The following RYR1 variants were observed in gnomAD, a reference collection of about 807,000 sequenced individuals.
RYR1 encodes central core disease of muscle.
A neutral mutation model predicts 583.5 loss-of-function variants in RYR1; 342 were observed. The ratio of observed to expected loss-of-function variants is 0.59; its 90% CI spans 0.54 to 0.64. RYR1 has a LOEUF of 0.64. Among genes scored for constraint, RYR1 ranks in the 30% least tolerant of loss-of-function variants. The pLI is 0.00. For missense variants in RYR1, 6,032 were observed against 6,917.2 expected (o/e 0.87, Z 4.54); for synonymous variants, 2,791 against 2,822.5 (o/e 0.99, Z 0.35).
At chr19:38,450,915 G>T (rs1427269521) in intron 11 of RYR1, among the ~76,000 whole-genome samples, 1 of 152,164 alleles carries the variant, frequency 6.6e-6, no homozygotes, top group African/African-American at 2.4e-5. Context: ...TGTTAGAAAA[G>T]AAATTATTTT....
rs1433874821 is a variant in RYR1 at position 38,561,192 on chromosome 19, T to C, written c.12362T>C (p.Met4121Thr). The C allele has an allele frequency of 6.2e-7, 1 of 1,614,078 alleles. No individual in the cohort carries two copies. The highest frequency in any genetic ancestry group is 1.7e-5 in the Admixed American group (1 of 60,016). Reference protein sequence around the residue: ...LSCSEADENEMINCEEFANRF... With the variant: ...LSCSEADENETINCEEFANRF... ...TGCTCCGAAGCGGATGAGAACGAAA[T>C]GATCAACTGCGAAGAGTTCGCCAAC... is the stretch of plus-strand genomic sequence containing the variant. The change falls in exon 90 of 106, where the codon ATG becomes ACG. Residue 4121 changes from methionine (M) to threonine (T), a missense_variant. By Grantham distance (81) the Met-to-Thr change is moderately conservative. Around this residue, in one of 11 missense-constraint regions of RYR1, gnomAD observed 753 missense variants for 759.6 expected, o/e 0.99. Transcript: ENST00000359596. The surrounding 1 kb of genome is among the most constrained non-coding windows in gnomAD (Gnocchi z 4.8).
chr19:38,523,047 C>T lies in RYR1; in HGVS notation c.10279C>T (p.Pro3427Ser). The T allele has an allele frequency of 6.2e-7, 1 of 1,605,904 alleles. No homozygotes were observed. Among genetic ancestry groups the T allele is most frequent in the South Asian group, 1.1e-5 (1 of 90,324 alleles). Residue 3427 changes from proline (P) to serine (S), a missense_variant, in exon 68 of 106, where the codon CCG becomes TCG. This residue lies in a region of RYR1 where 1,493 missense variants were observed against 1,715.5 expected (regional missense o/e 0.87). Transcript: ENST00000359596. ...CCCCAGGGCGCAGTGGCTGACGGAG[C>T]CGAATCCCAGCGCGGAGGAGCTGTT... ...DNNRAQWLTE[P>S]NPSAEELFRM...
Position 38,473,280 on chromosome 19 carries a change from A to G in RYR1, c.3766-97A>G, listed in dbSNP as rs935358119. On this transcript the variant is annotated intron_variant, in intron 27 of 105. Coordinates refer to ENST00000359596, the MANE Select transcript of RYR1 (RefSeq NM_000540.3). Reference sequence around the variant, plus strand: ...TGACTAATTCCCATGCAGGTGCACTATGGCCTAATGGTGGCTCCGTGTGTG... The same window carrying G: ...TGACTAATTCCCATGCAGGTGCACTGTGGCCTAATGGTGGCTCCGTGTGTG... 25 of 1,452,174 alleles carry G rather than the reference A, an allele frequency of 1.7e-5. 1 individual carries two copies. Among genetic ancestry groups the G allele is most frequent in the Non-Finnish European group, 2.3e-5 (24 of 1,038,002 alleles). The allele number at this position is 1,452,174 out of a possible 1,614,324, so 90.0% of individuals were successfully genotyped here.
chr19:38,458,914 C>G (rs1051658893), intron 18 of RYR1, among the ~76,000 whole-genome samples: 1 of 152,192 alleles, frequency 6.6e-6, no homozygotes, highest in Non-Finnish European at 1.5e-5. Flanking sequence ...CCACTGCATC[C>G]GGCCCCCAGG....
chr19:38,455,261 C>A lies in RYR1; in HGVS notation c.1467C>A (p.Cys489Ter), dbSNP rs1163987338. 6.2e-7 allele frequency: 1 copy of A among 1,614,086 alleles called. No homozygotes were observed. Among genetic ancestry groups the A allele is most frequent in the Non-Finnish European group, 8.5e-7 (1 of 1,180,000 alleles). Residue 489 changes from cysteine to a stop codon, truncating the protein, a stop_gained, in exon 14 of 106, where the codon TGC (cysteine) becomes TGA (stop). Coordinates refer to ENST00000359596, the MANE Select transcript of RYR1 (RefSeq NM_000540.3). LOFTEE classifies it high-confidence loss of function. The stretch of plus-strand genomic sequence containing the variant: ...GGATGCTCTCCATGGTCCTGAATTG[C>A]ATAGACCGCCTAAATGTCTACACCA... ...EEGMLSMVLN[C>*]IDRLNVYTTA...
rs1970689038 is a variant in RYR1, at chr19:38,510,710, C to T, written c.9051C>T (p.Phe3017=). The T allele has an allele frequency of 6.2e-7, 1 of 1,614,054 alleles. No individual in the cohort carries two copies. Among genetic ancestry groups the T allele is most frequent in the African/African-American group, 1.3e-5 (1 of 74,912 alleles). ...NQYFTNHCLY[F]LSTPAKVLGS... ...ACTTCACCAACCACTGCCTCTATTT[C>T]TTGTCCACTCCGGCTAAAGTGCTGG... The change falls in exon 60 of 106, where the codon TTC becomes TTT. Residue 3017 remains phenylalanine, a synonymous_variant. Coordinates refer to ENST00000359596, the MANE Select transcript of RYR1 (RefSeq NM_000540.3).
At position 38,519,373 on chromosome 19, in the gene RYR1, TGGTGCGGGAC is replaced by T. The variant is rs1971119377; in HGVS notation, c.10180_10189del (p.Val3394SerfsTer28). 1 of 1,608,540 alleles carries T rather than the reference TGGTGCGGGAC, an allele frequency of 6.2e-7. No homozygotes were observed. The highest frequency in any genetic ancestry group is 8.5e-7 in the Non-Finnish European group (1 of 1,177,750). ...GCGGAGGCCCAGGAGGGCGAGCTGC[TGGTGCGGGAC>T]GAGTTCTCTGTGCTCTGCCGGGACC... On this transcript the variant is annotated frameshift_variant, in exon 67 of 106. Transcript: ENST00000359596. LOFTEE classifies it high-confidence loss of function.
chr19:38,574,712 A>G (rs1290942612), intron 96 of RYR1, among the ~76,000 whole-genome samples: 18 of 152,076 alleles, frequency 1.2e-4, no homozygotes, highest in Admixed American at 1.1e-3. Flanking sequence ...CCGTGAATTC[A>G]TAATCAATCA....
chr19:38,434,936 C>A (rs1367129618), intron 1 of RYR1, among the ~76,000 whole-genome samples: 1 of 152,174 alleles, frequency 6.6e-6, no homozygotes, highest in Non-Finnish European at 1.5e-5. Flanking sequence ...GAGAGAGGAA[C>A]AAACAGCTGG....
intron 57 of RYR1, among the ~76,000 whole-genome samples, chr19:38,507,164 G>A (rs1970498344): frequency 6.7e-6 from 1 of 148,830 alleles, no homozygotes; most frequent in African/African-American, 2.5e-5. Flanking sequence ...TTAAGCACAG[G>A]CGGGACCAGA....
Position 38,502,953 on chromosome 19 carries a change from G to A in RYR1, c.7909G>A (p.Ala2637Thr), listed in dbSNP as rs1204662800. Residue 2637 changes from alanine to threonine, a missense_variant, in exon 49 of 106, where the codon GCC becomes ACC. Ala to Thr is a moderately conservative substitution (Grantham distance 58). Coordinates refer to ENST00000359596, the MANE Select transcript of RYR1 (RefSeq NM_000540.3). ...CGACGTGCCCATCCTCAACGAGTTC[G>A]CCAAGATGCCACTCAAGGTGAGGGC... ...VFDVPILNEFAKMPLKLLTNH... is the reference protein window; with the variant it reads ...VFDVPILNEFTKMPLKLLTNH... The A allele has an allele frequency of 6.2e-7, 1 of 1,609,876 alleles. No homozygotes were observed. Among genetic ancestry groups the A allele is most frequent in the Non-Finnish European group, 8.5e-7 (1 of 1,179,980 alleles).
intron 96 of RYR1, among the ~76,000 whole-genome samples, chr19:38,573,621 A>G (rs557380797): frequency 1.3e-5 from 2 of 151,766 alleles, no homozygotes; most frequent in African/African-American, 2.4e-5. Flanking sequence ...TGGAGGATGC[A>G]GTGAGCCGAG....
rs184518727 is a variant in RYR1 at position 38,470,395 on chromosome 19, G to A, written c.3765+882G>A. Among the ~76,000 whole-genome samples, 753 of 145,894 alleles carry A rather than the reference G, an allele frequency of 5.2e-3. 4 individuals carry two copies. Among genetic ancestry groups the A allele is most frequent in the African/African-American group, 0.018 (706 of 39,060 alleles). On this transcript the variant is annotated intron_variant, in intron 27 of 105. Transcript: ENST00000359596. Reference sequence around the variant, plus strand: ...CGAGGCTGCAGTAAGCTGATTACACGACTGCACTCCAGCCTGAGTGACAGA... The same window carrying A: ...CGAGGCTGCAGTAAGCTGATTACACAACTGCACTCCAGCCTGAGTGACAGA...
chr19:38,434,725 C>G (rs1972348577), intron 1 of RYR1, among the ~76,000 whole-genome samples: 1 of 152,128 alleles, frequency 6.6e-6, no homozygotes, highest in African/African-American at 2.4e-5. Flanking sequence ...ATCTCCTTGT[C>G]CTTCCCATCT....
At chr19:38,581,955 C>T (rs1406777781) in intron 101 of RYR1, among the ~76,000 whole-genome samples, 2 of 152,114 alleles carry the variant, frequency 1.3e-5, no homozygotes, top group Admixed American at 1.3e-4. Context: ...ACTCAGGGAG[C>T]GTGCCCCTGC....
At chr19:38,445,029 G>A (rs1972871659) in intron 7 of RYR1, among the ~76,000 whole-genome samples, 1 of 151,952 alleles carries the variant, frequency 6.6e-6, no homozygotes, top group African/African-American at 2.4e-5. Flanking sequence ...GGCCGAGGCA[G>A]GTGGATCACC....
chr19:38,474,637 C>T (rs1366497595), intron 28 of RYR1, among the ~76,000 whole-genome samples: 2 of 140,552 alleles, frequency 1.4e-5, no homozygotes, highest in Admixed American at 7.6e-5. Flanking sequence ...TGCAATGGCA[C>T]GATCTTGGCT....
chr19:38,465,582 C>G (rs967781272), intron 23 of RYR1, among the ~76,000 whole-genome samples: 2 of 152,072 alleles, frequency 1.3e-5, no homozygotes, highest in Admixed American at 6.6e-5. Context: ...CTGACCAACA[C>G]GGTGAAACCC....
chr19:38,536,759 G>A lies in RYR1; in HGVS notation c.11600G>A (p.Arg3867His), dbSNP rs758651267. Reference sequence around the variant, plus strand: ...CTGTTGGCTGCCCCAGTCATCAATCGCCAGAACGGTAATTCCCCCAGCCCA... The same window carrying A: ...CTGTTGGCTGCCCCAGTCATCAATCACCAGAACGGTAATTCCCCCAGCCCA... ...MVNEDGTVIN[R>H]QNGEKVMADD... is the part of the protein sequence containing the mutation. Residue 3867 changes from arginine (R) to histidine (H), a missense_variant, in exon 83 of 106, where the codon CGC becomes CAC. This residue lies in a region of RYR1 where 1,493 missense variants were observed against 1,715.5 expected (regional missense o/e 0.87). Coordinates refer to ENST00000359596, the MANE Select transcript of RYR1 (RefSeq NM_000540.3). 1.7e-5 allele frequency: 27 copies of A among 1,613,274 alleles called. No homozygotes were observed. Among genetic ancestry groups the A allele is most frequent in the African/African-American group, 1.3e-4 (10 of 74,672 alleles).
Sources: allele counts gnomAD v4.1 joint callset (sites outside exome capture counted in the v4.1 genomes callset), GRCh38; gene constraint gnomAD v4.1.1; regional missense constraint gnomAD v4.1.1; non-coding constraint Gnocchi (gnomAD v3.1); transcripts MANE v1.5; gene names NCBI Gene and HGNC (gene_info 2026-07-23, HGNC 2026-07-21).